The following TENM3 variants were observed in gnomAD, a reference collection of about 807,000 sequenced individuals.
The protein encoded by TENM3 is teneurin-3.
A neutral mutation model predicts 255.1 loss-of-function variants in TENM3; 63 were observed. The ratio of observed to expected loss-of-function variants is 0.25; its 90% CI spans 0.20 to 0.30. The LOEUF is 0.30. Ranked by LOEUF, TENM3 falls within the 10% of genes least tolerant of loss-of-function variation. The pLI, the probability that TENM3 is intolerant of heterozygous loss-of-function variation, is 1.00. For missense variants in TENM3, 2,929 were observed against 3,461.1 expected, an observed-to-expected ratio of 0.85 and a Z score of 3.86; for synonymous variants, 1,306 against 1,322.3, an observed-to-expected ratio of 0.99 and a Z score of 0.27.
At chr4:181,701,313 G>A in the TENM3 span, among the ~76,000 whole-genome samples, 1 of 152,214 alleles carries the variant, frequency 6.6e-6, no homozygotes, top group Non-Finnish European at 1.5e-5. Context: ...GCAACACTCA[G>A]TGCAGTGGTT....
At chr4:181,691,363 T>A in the TENM3 span, among the ~76,000 whole-genome samples, 6 of 151,818 alleles carry the variant, frequency 4.0e-5, no homozygotes, top group Non-Finnish European at 8.8e-5. Context: ...ATACTTATTA[T>A]ACACACACAC....
the TENM3 span, among the ~76,000 whole-genome samples, chr4:181,644,874 T>C: frequency 0.52 from 79,494 of 151,476 alleles, 21,060 homozygotes; most frequent in Admixed American, 0.57. Flanking sequence ...AGAGGGCCAC[T>C]GAGAGGAAAG....
the TENM3 span, among the ~76,000 whole-genome samples, chr4:182,041,310 G>A: frequency 6.6e-6 from 1 of 152,090 alleles, no homozygotes; most frequent in South Asian, 2.1e-4. Context: ...AGGTATGGGA[G>A]GGCCTTTAAA....
intron 1 of TENM3, among the ~76,000 whole-genome samples, chr4:182,262,813 A>G (rs553193097): frequency 6.9e-5 from 10 of 145,812 alleles, no homozygotes; most frequent in East Asian, 2.0e-4. Flanking sequence ...TCCCGGGTTC[A>G]CGCCATTCTC....
intron 1 of TENM3, among the ~76,000 whole-genome samples, chr4:182,162,216 A>G (rs1310249463): frequency 6.6e-6 from 1 of 151,988 alleles, no homozygotes; most frequent in African/African-American, 2.4e-5. Context: ...CAAATTTTAA[A>G]CATTTGTCTT....
At chr4:182,480,502 T>A (rs1734091617) in intron 3 of TENM3, among the ~76,000 whole-genome samples, 1 of 152,080 alleles carries the variant, frequency 6.6e-6, no homozygotes, top group Non-Finnish European at 1.5e-5. Flanking sequence ...AAATACAGTT[T>A]TTAAGTTTGC....
the TENM3 span, among the ~76,000 whole-genome samples, chr4:181,914,219 A>G: frequency 3.9e-5 from 6 of 152,194 alleles, no homozygotes; most frequent in African/African-American, 7.2e-5. Flanking sequence ...TGCTACAATC[A>G]ACTCTATATT....
chr4:182,431,520 G>C (rs2151194780), intron 3 of TENM3, among the ~76,000 whole-genome samples: 1 of 152,098 alleles, frequency 6.6e-6, no homozygotes, highest in Non-Finnish European at 1.5e-5. Context: ...GAAAAGGATG[G>C]GTGAGATTCA....
chr4:181,475,914 C>T, the TENM3 span, among the ~76,000 whole-genome samples: 2 of 152,202 alleles, frequency 1.3e-5, no homozygotes, highest in South Asian at 2.1e-4. Context: ...CAAGGGGCAC[C>T]GGGTTCACCC....
the TENM3 span, among the ~76,000 whole-genome samples, chr4:182,088,658 C>T: frequency 1.3e-4 from 19 of 151,914 alleles, no homozygotes; most frequent in Admixed American, 1.2e-3. Flanking sequence ...CATGGTGAAA[C>T]CCCATCTCTA....
chr4:181,900,066 C>A, the TENM3 span, among the ~76,000 whole-genome samples: 3 of 152,176 alleles, frequency 2.0e-5, no homozygotes, highest in East Asian at 1.9e-4. Flanking sequence ...ATGAAAATAA[C>A]AACTTCTATG....
the TENM3 span, among the ~76,000 whole-genome samples, chr4:181,882,647 A>T: frequency 1.3e-5 from 2 of 152,218 alleles, no homozygotes; most frequent in Non-Finnish European, 2.9e-5. Flanking sequence ...AAATCAGAGG[A>T]TTAAAACCAG....
intron 9 of TENM3, 97 bp downstream of exon 9, chr4:182,680,446 G>GGC: frequency 7.3e-7 from 1 of 1,379,030 alleles, no homozygotes. Context: ...AAGGGGGGGG[G>GGC]AGACTGGCAT....
chr4:182,377,365 A>G (rs6849329), intron 3 of TENM3, among the ~76,000 whole-genome samples: 5,696 of 152,086 alleles, frequency 0.037, 195 homozygotes, highest in African/African-American at 0.079. Context: ...CCAGGCTGGA[A>G]TGCAGTAGCT....
chr4:181,466,380 T>C, the TENM3 span, among the ~76,000 whole-genome samples: 1 of 152,056 alleles, frequency 6.6e-6, no homozygotes, highest in Admixed American at 6.5e-5. Context: ...CCTCTCAAAG[T>C]GCTGGGATTA....
chr4:181,515,816 C>T, the TENM3 span, among the ~76,000 whole-genome samples: 1 of 152,014 alleles, frequency 6.6e-6, no homozygotes, highest in African/African-American at 2.4e-5. Context: ...GAACCTGAAA[C>T]AACATTTGAT....
intron 3 of TENM3, among the ~76,000 whole-genome samples, chr4:182,499,755 AT>A (rs1736143192): frequency 6.6e-6 from 1 of 152,192 alleles, no homozygotes; most frequent in Admixed American, 6.5e-5. Flanking sequence ...GTTTAATAGC[AT>A]TTTCTAACGA....
At chr4:181,817,565 G>A in the TENM3 span, among the ~76,000 whole-genome samples, 2 of 152,144 alleles carry the variant, frequency 1.3e-5, no homozygotes, top group Non-Finnish European at 2.9e-5. Context: ...TTATGCCTTG[G>A]AAACTTAATC....
chr4:182,801,024 TTA>T lies in TENM3; in HGVS notation c.*677_*678del, dbSNP rs1303149846. 1.3e-5 allele frequency: 2 copies of T among 152,692 alleles called. No individual in the cohort carries two copies. Among genetic ancestry groups the T allele is most frequent in the Non-Finnish European group, 2.9e-5 (2 of 68,044 alleles). 9.5% of individuals were successfully genotyped at this position (152,692 alleles called of 1,614,324 possible). On this transcript the variant is annotated 3_prime_UTR_variant, in exon 28 of 28. Coordinates refer to ENST00000511685, the MANE Select transcript of TENM3 (RefSeq NM_001080477.4). ...TGTGAGACAAGTTGTTTATGGATTT[TTA>T]TATGAATTACAATTTACTGTACATC...
Sources: gnomAD v4.1 joint callset for allele counts (sites outside exome capture counted in the v4.1 genomes callset) on GRCh38, gnomAD v4.1.1 for gene constraint, MANE v1.5 for transcripts, NCBI Gene and HGNC (gene_info 2026-07-23, HGNC 2026-07-21) for gene names.